TMEM178B: variants seen among roughly 807,000 people sequenced by gnomAD.
The protein encoded by TMEM178B is transmembrane protein 178B.
TMEM178B carries 5 observed loss-of-function variants against 31.0 expected under a neutral mutation model. That is an observed-to-expected ratio of 0.16 (90% CI 0.08 to 0.34). TMEM178B has a LOEUF of 0.34. Ranked by LOEUF, TMEM178B falls within the 10% of genes least tolerant of loss-of-function variation. The pLI is 1.00. For synonymous variants in TMEM178B, 164 were observed against 164.0 expected (o/e 1.00, Z 0.00); for missense variants, 275 against 400.3 (o/e 0.69, Z 2.67).
At chr7:141,323,325 G>A (rs7806626) in intron 2 of TMEM178B, among the ~76,000 whole-genome samples, 21,100 of 152,102 alleles carry the variant, frequency 0.14, 2,070 homozygotes, top group African/African-American at 0.27. Flanking sequence ...ACAAATACAT[G>A]TACATACAAA....
intron 1 of TMEM178B, among the ~76,000 whole-genome samples, chr7:141,173,445 C>T (rs1039725449): frequency 6.6e-6 from 1 of 152,162 alleles, no homozygotes; most frequent in Non-Finnish European, 1.5e-5. Context: ...ACCACGCTGC[C>T]TCCAAGGAAG....
intron 2 of TMEM178B, among the ~76,000 whole-genome samples, chr7:141,292,459 C>CAAGG (rs1563143106): frequency 8.5e-5 from 13 of 152,062 alleles, no homozygotes. Flanking sequence ...AATGAGCTTG[C>CAAGG]CCTTGCAAGC....
At chr7:141,220,557 G>A (rs943336417) in intron 2 of TMEM178B, among the ~76,000 whole-genome samples, 1 of 151,952 alleles carries the variant, frequency 6.6e-6, no homozygotes, top group Non-Finnish European at 1.5e-5. Context: ...AGGGGTGGGA[G>A]GGAGTACAGT....
chr7:141,427,407 T>C (rs754602320), intron 2 of TMEM178B, among the ~76,000 whole-genome samples: 5 of 152,210 alleles, frequency 3.3e-5, no homozygotes, highest in African/African-American at 4.8e-5. Context: ...GCCACATGTT[T>C]ACAGCCAACT....
chr7:141,200,597 A>G (rs1796860367), intron 1 of TMEM178B, among the ~76,000 whole-genome samples: 1 of 152,224 alleles, frequency 6.6e-6, no homozygotes, highest in Non-Finnish European at 1.5e-5. Flanking sequence ...TATTAAACAG[A>G]TGGTGGGTGA....
chr7:141,142,366 A>G (rs534296363), intron 1 of TMEM178B, among the ~76,000 whole-genome samples: 4 of 151,340 alleles, frequency 2.6e-5, no homozygotes, highest in African/African-American at 9.7e-5. Context: ...ATATAAGTAC[A>G]TGTGTATTTT....
Position 141,471,706 on chromosome 7 carries a change from A to G in TMEM178B, c.*920A>G, listed in dbSNP as rs547440340. On this transcript the variant is annotated 3_prime_UTR_variant, in exon 4 of 4. Transcript: ENST00000565468. The surrounding 1 kb of genome is among the most constrained non-coding windows in gnomAD (Gnocchi z 4.1). ...GCCCCAGATAGAGGCCCAGAGACCT[A>G]GAAATTGTCATGAGGGACAGGCCTA... The G allele has an allele frequency of 6.6e-6, 1 of 151,998 alleles. No homozygotes were observed. Among genetic ancestry groups the G allele is most frequent in the East Asian group, 1.9e-4 (1 of 5,160 alleles). The allele number at this position is 151,998 out of a possible 1,614,324, so 9.4% of individuals were successfully genotyped here.
intron 1 of TMEM178B, among the ~76,000 whole-genome samples, chr7:141,195,826 AG>A (rs1240085914): frequency 6.6e-6 from 1 of 152,242 alleles, no homozygotes; most frequent in Non-Finnish European, 1.5e-5. Context: ...TCATAGCAGG[AG>A]GCGAAAGGCA....
intron 1 of TMEM178B, among the ~76,000 whole-genome samples, chr7:141,145,031 C>A (rs2129179723): frequency 6.6e-6 from 1 of 152,218 alleles, no homozygotes; most frequent in East Asian, 1.9e-4. Context: ...GGCATAATTA[C>A]TTTTCTGAGG....
At position 141,328,162 on chromosome 7, in the gene TMEM178B, A is replaced by G. The variant is rs184841656; in HGVS notation, c.497-109446A>G. 3.9e-5 allele frequency among the ~76,000 whole-genome samples: 6 copies of G among 152,326 alleles called. No individual in the cohort carries two copies. In the East Asian group the frequency reaches 9.6e-4, roughly 24 times the overall value. On this transcript the variant is annotated intron_variant, in intron 2 of 3. Transcript: ENST00000565468. ...AAGGTTGGCTCCTGAGGGAGAATGT[A>G]TCTATTTTCCTTTCTGGTCATCACA... is the stretch of plus-strand genomic sequence containing the variant.
chr7:141,295,677 C>T (rs2116430581), intron 2 of TMEM178B, among the ~76,000 whole-genome samples: 1 of 152,274 alleles, frequency 6.6e-6, no homozygotes, highest in African/African-American at 2.4e-5. Flanking sequence ...TGCAGGGGGC[C>T]AATTCCTCTG....
At chr7:141,328,224 G>C (rs954570768) in intron 2 of TMEM178B, among the ~76,000 whole-genome samples, 3 of 152,192 alleles carry the variant, frequency 2.0e-5, no homozygotes, top group African/African-American at 7.2e-5. Flanking sequence ...ATTGTGACTG[G>C]AATGACGGAG....
At chr7:141,264,158 G>A (rs1371096284) in intron 2 of TMEM178B, among the ~76,000 whole-genome samples, 2 of 152,172 alleles carry the variant, frequency 1.3e-5, no homozygotes, top group Non-Finnish European at 2.9e-5. Context: ...TCTTCAGCTG[G>A]AGGTTGAGCT....
chr7:141,486,761 C>A, the TMEM178B span, among the ~76,000 whole-genome samples: 1 of 152,036 alleles, frequency 6.6e-6, no homozygotes, highest in African/African-American at 2.4e-5. Flanking sequence ...GGAGCATTGA[C>A]CAGAACAAAC....
chr7:141,191,345 A>G (rs1796692598), intron 1 of TMEM178B, among the ~76,000 whole-genome samples: 1 of 152,226 alleles, frequency 6.6e-6, no homozygotes, highest in African/African-American at 2.4e-5. Context: ...CACCTGTGAA[A>G]CATCTCTTGG....
chr7:141,234,452 A>T (rs1797495756), intron 2 of TMEM178B, among the ~76,000 whole-genome samples: 1 of 152,154 alleles, frequency 6.6e-6, no homozygotes, highest in Non-Finnish European at 1.5e-5. Flanking sequence ...ATGTCTGAGC[A>T]GCAGAGAGGA....
chr7:141,421,329 C>T (rs547155190), intron 2 of TMEM178B, among the ~76,000 whole-genome samples: 1 of 152,340 alleles, frequency 6.6e-6, no homozygotes, highest in East Asian at 1.9e-4. Context: ...GTATATCCTG[C>T]ACCTGTTAAA....
intron 2 of TMEM178B, among the ~76,000 whole-genome samples, chr7:141,284,182 G>T (rs578151125): frequency 6.6e-6 from 1 of 152,320 alleles, no homozygotes; most frequent in South Asian, 2.1e-4. Context: ...TTAGCTGTTG[G>T]TAGTCAACAT....
rs1173802536 is a variant in TMEM178B at position 141,470,666 on chromosome 7, A to T, written c.765A>T (p.Ala255=). ...SHGYGWSMFC[A]WGGLGLTLIS... ...GCTATGGCTGGTCCATGTTCTGTGC[A>T]TGGGGGGGCCTGGGCCTCACACTCA... is the stretch of plus-strand genomic sequence containing the variant. Residue 255 remains alanine (A), a synonymous_variant, in exon 4 of 4, where the codon GCA becomes GCT. Transcript: ENST00000565468. 2.6e-6 allele frequency: 4 copies of T among 1,535,690 alleles called. No individual in the cohort carries two copies. Among genetic ancestry groups the T allele is most frequent in the South Asian group, 1.2e-5 (1 of 84,038 alleles).
Sources: gnomAD v4.1 joint callset for allele counts (sites outside exome capture counted in the v4.1 genomes callset) on GRCh38, gnomAD v4.1.1 for gene constraint, Gnocchi (gnomAD v3.1) non-coding constraint, MANE v1.5 for transcripts, NCBI Gene and HGNC (gene_info 2026-07-23, HGNC 2026-07-21) for gene names.